Variants in GRIN2A observed in about 807,000 individuals in gnomAD.
The protein encoded by GRIN2A is glutamate receptor ionotropic, NMDA 2A.
GRIN2A carries 22 observed loss-of-function variants against 113.4 expected under a neutral mutation model. That is an observed-to-expected ratio of 0.19 (90% confidence interval 0.14 to 0.28). GRIN2A has a LOEUF of 0.28. Ranked by LOEUF, GRIN2A falls within the 10% of genes least tolerant of loss-of-function variation. GRIN2A has a pLI of 1.00. For synonymous variants in GRIN2A, 827 were observed against 738.4 expected, an observed-to-expected ratio of 1.12 and a Z score of -1.94; for missense variants, 1,502 against 1,887.0, an observed-to-expected ratio of 0.80 and a Z score of 3.78.
chr16:9,994,350 T>C (rs1415146295), intron 2 of GRIN2A, among the ~76,000 whole-genome samples: 1 of 152,128 alleles, frequency 6.6e-6, no homozygotes, highest in Non-Finnish European at 1.5e-5. Context: ...GCTCCTTCTC[T>C]CTAAGGCAAT....
intron 2 of GRIN2A, among the ~76,000 whole-genome samples, chr16:10,049,687 G>T (rs2047324020): frequency 6.6e-6 from 1 of 152,106 alleles, no homozygotes. Context: ...CCCACAACTT[G>T]CCTGGGACTC....
chr16:10,022,635 T>G (rs911586488), intron 2 of GRIN2A, among the ~76,000 whole-genome samples: 7 of 152,260 alleles, frequency 4.6e-5, no homozygotes, highest in African/African-American at 1.7e-4. Flanking sequence ...GGTCTTATTC[T>G]TCTCTCCAGT....
At chr16:9,831,496 G>GT (rs55979702) in intron 8 of GRIN2A, among the ~76,000 whole-genome samples, 3,340 of 137,148 alleles carry the variant, frequency 0.024, 47 homozygotes, top group Non-Finnish European at 0.032. Context: ...CCCTGCCATT[G>GT]TTTTTTTTTT....
chr16:9,869,295 T>C (rs2043215928), intron 4 of GRIN2A, among the ~76,000 whole-genome samples: 1 of 152,080 alleles, frequency 6.6e-6, no homozygotes, highest in Admixed American at 6.5e-5. Flanking sequence ...TAGCTGAGTG[T>C]GGTGGTACAT....
At chr16:10,049,828 T>A (rs1461233480) in intron 2 of GRIN2A, among the ~76,000 whole-genome samples, 1 of 152,208 alleles carries the variant, frequency 6.6e-6, no homozygotes, top group Non-Finnish European at 1.5e-5. Context: ...TTGTGCAATT[T>A]TTTTGTGAGC....
chr16:9,986,652 C>T (rs1200425324), intron 2 of GRIN2A, among the ~76,000 whole-genome samples: 1 of 150,992 alleles, frequency 6.6e-6, no homozygotes, highest in Non-Finnish European at 1.5e-5. Flanking sequence ...GTAATCCCAG[C>T]TACTTGGGAG....
intron 11 of GRIN2A, among the ~76,000 whole-genome samples, chr16:9,778,780 C>T (rs1430307972): frequency 1.3e-5 from 2 of 152,192 alleles, no homozygotes; most frequent in African/African-American, 2.4e-5. Flanking sequence ...CTGCTGATGC[C>T]CTTGCAGCTC....
chr16:10,116,566 C>T (rs559944878), intron 2 of GRIN2A, among the ~76,000 whole-genome samples: 20 of 152,070 alleles, frequency 1.3e-4, no homozygotes, highest in Non-Finnish European at 2.8e-4. Context: ...AGAGCAGATG[C>T]TAAAGCAAGA....
chr16:9,974,596 T>C (rs899753821), intron 2 of GRIN2A, among the ~76,000 whole-genome samples: 1 of 152,170 alleles, frequency 6.6e-6, no homozygotes, highest in Admixed American at 6.5e-5. Context: ...CGAATAAACC[T>C]CTTCCTTCTT....
intron 11 of GRIN2A, among the ~76,000 whole-genome samples, chr16:9,776,631 G>A (rs2141171288): frequency 6.6e-6 from 1 of 152,200 alleles, no homozygotes; most frequent in Non-Finnish European, 1.5e-5. Flanking sequence ...GAGCCTGGTG[G>A]TTTCCTACAG....
chr16:9,821,560 G>C (rs531298635), intron 10 of GRIN2A, among the ~76,000 whole-genome samples: 1 of 152,228 alleles, frequency 6.6e-6, no homozygotes, highest in East Asian at 1.9e-4. Context: ...CTCACATTTA[G>C]GTACTGTCTA....
intron 11 of GRIN2A, among the ~76,000 whole-genome samples, chr16:9,786,811 G>A (rs1902258278): frequency 6.6e-6 from 1 of 152,158 alleles, no homozygotes; most frequent in Non-Finnish European, 1.5e-5. Flanking sequence ...TATGTAAATA[G>A]GAATGAATAA....
intron 4 of GRIN2A, among the ~76,000 whole-genome samples, chr16:9,853,373 C>T (rs1273772360): frequency 2.6e-5 from 4 of 152,044 alleles, no homozygotes; most frequent in Non-Finnish European, 5.9e-5. Flanking sequence ...AAGGTGGAGC[C>T]CTCATGAATG....
intron 3 of GRIN2A, among the ~76,000 whole-genome samples, chr16:9,933,220 T>C (rs1253215440): frequency 6.6e-6 from 1 of 152,024 alleles, no homozygotes; most frequent in African/African-American, 2.4e-5. Context: ...TTTCCTGTAC[T>C]TTTTTTTGCC....
chr16:9,889,651 G>T (rs1460279223), intron 4 of GRIN2A, among the ~76,000 whole-genome samples: 3 of 151,886 alleles, frequency 2.0e-5, no homozygotes, highest in Non-Finnish European at 4.4e-5. Context: ...TTGATATTTT[G>T]TGTTTTCATT....
rs2141151278 is a variant in GRIN2A, at chr16:9,769,049, G to A, written c.2397C>T (p.Ile799=). The change falls in exon 12 of 13, where the codon ATC becomes ATT. Residue 799 remains isoleucine (I), a synonymous_variant. Coordinates refer to ENST00000330684, the MANE Select transcript of GRIN2A (RefSeq NM_001134407.3). ...EELETLWLTG[I]CHNEKNEVMS... ...TCACCTCGTTCTTCTCGTTGTGGCA[G>A]ATCCCAGTGAGCCACAGGGTCTCCA... The A allele has an allele frequency of 1.9e-6, 3 of 1,614,096 alleles. No individual in the cohort carries two copies. Among genetic ancestry groups the A allele is most frequent in the Non-Finnish European group, 2.5e-6 (3 of 1,179,974 alleles).
chr16:10,114,127 G>A (rs1195020621), intron 2 of GRIN2A, among the ~76,000 whole-genome samples: 1 of 152,090 alleles, frequency 6.6e-6, no homozygotes, highest in African/African-American at 2.4e-5. Context: ...TGAGTTCAAC[G>A]CTGCAGTGAG....
At chr16:9,859,639 C>A (rs1274023289) in intron 4 of GRIN2A, among the ~76,000 whole-genome samples, 1 of 151,068 alleles carries the variant, frequency 6.6e-6, no homozygotes, top group Non-Finnish European at 1.5e-5. Flanking sequence ...CACACACACA[C>A]ACACAGAGAG....
Position 9,932,340 on chromosome 16 carries a change from CACTT to C in GRIN2A, c.1007+5615_1007+5618del, listed in dbSNP as rs541651122. Among the ~76,000 whole-genome samples, 14 of 152,232 alleles carry C rather than the reference CACTT, an allele frequency of 9.2e-5. No homozygotes were observed. The East Asian group carries it at 2.5e-3, about 27-fold the overall frequency. ...TATCATGGGCTATGGCATGAAGAGA[CACTT>C]ACTTCACTCATAACTTTATTTCATT... is the stretch of plus-strand genomic sequence containing the variant. On this transcript the variant is annotated intron_variant, in intron 3 of 12. Transcript: ENST00000330684.
Sources: gnomAD v4.1 joint callset for allele counts (sites outside exome capture counted in the v4.1 genomes callset) on GRCh38, gnomAD v4.1.1 for gene constraint, MANE v1.5 for transcripts, NCBI Gene and HGNC (gene_info 2026-07-23, HGNC 2026-07-21) for gene names.